Variants in ENPP6 observed in about 807,000 individuals in gnomAD.
The protein encoded by ENPP6 is ectonucleotide pyrophosphatase/phosphodiesterase 6, also known as glycerophosphocholine cholinephosphodiesterase ENPP6.
ENPP6 carries 32 observed loss-of-function variants against 42.0 expected under a neutral mutation model. The observed-to-expected ratio is 0.76, with a 90% CI of 0.58 to 1.02. The LOEUF (loss-of-function observed/expected upper bound fraction) is 1.02, where lower values mean the gene tolerates loss of function less well. ENPP6 is among the 50% of genes least tolerant of loss of function. The pLI is 0.00. For synonymous variants in ENPP6, 213 were observed against 216.0 expected (o/e 0.99, Z 0.12); for missense variants, 552 against 566.8 (o/e 0.97, Z 0.27).
chr4:184,163,969 G>A (rs1447772143), intron 1 of ENPP6, among the ~76,000 whole-genome samples: 2 of 152,212 alleles, frequency 1.3e-5, no homozygotes, highest in South Asian at 2.1e-4. Context: ...ATGGAGCGCC[G>A]AGTCCAGAGT....
At chr4:184,128,153 A>G (rs1736535566) in intron 2 of ENPP6, among the ~76,000 whole-genome samples, 1 of 152,232 alleles carries the variant, frequency 6.6e-6, no homozygotes, top group Admixed American at 6.5e-5. Context: ...AACCAAATTT[A>G]TTAACTTCAA....
intron 2 of ENPP6, among the ~76,000 whole-genome samples, chr4:184,146,217 G>T (rs2111372675): frequency 6.6e-6 from 1 of 151,916 alleles, no homozygotes; most frequent in Non-Finnish European, 1.5e-5. Context: ...TGGATCATGA[G>T]GTCAGGAGTT....
intron 1 of ENPP6, among the ~76,000 whole-genome samples, chr4:184,162,471 C>G (rs914287097): frequency 6.6e-6 from 1 of 150,854 alleles, no homozygotes; most frequent in African/African-American, 2.4e-5. Context: ...ACTTTGGAAG[C>G]CTATTTTGAA....
At chr4:184,207,243 C>T (rs931983133) in intron 1 of ENPP6, among the ~76,000 whole-genome samples, 3 of 152,332 alleles carry the variant, frequency 2.0e-5, no homozygotes, top group African/African-American at 2.4e-5. Context: ...CTGGCTTCCC[C>T]GCTACTCAGA....
chr4:184,111,159 T>TC (rs1374886833), intron 6 of ENPP6, among the ~76,000 whole-genome samples: 1 of 151,854 alleles, frequency 6.6e-6, no homozygotes, highest in African/African-American at 2.4e-5. Flanking sequence ...TCTTATACTC[T>TC]CCCTCCCTAC....
chr4:184,176,845 G>T (rs533431096), intron 1 of ENPP6, among the ~76,000 whole-genome samples: 3 of 152,206 alleles, frequency 2.0e-5, no homozygotes, highest in Non-Finnish European at 4.4e-5. Flanking sequence ...GTGGACAGGA[G>T]GTGGGAACCT....
intron 4 of ENPP6, 23 bp from the exon 5 acceptor site, chr4:184,117,058 C>A: frequency 1.9e-6 from 3 of 1,613,820 alleles, no homozygotes; most frequent in Non-Finnish European, 1.7e-6. Context: ...AAAAGACAGT[C>A]ATTACGGCAC....
intron 1 of ENPP6, among the ~76,000 whole-genome samples, chr4:184,158,547 T>C (rs552575462): frequency 1.3e-5 from 2 of 152,352 alleles, no homozygotes; most frequent in African/African-American, 4.8e-5. Context: ...TAATTTACAG[T>C]ATTAGAAACA....
At chr4:184,188,039 T>A (rs1287286752) in intron 1 of ENPP6, among the ~76,000 whole-genome samples, 2 of 152,232 alleles carry the variant, frequency 1.3e-5, no homozygotes, top group Non-Finnish European at 1.5e-5. Flanking sequence ...TATGACTGGA[T>A]GCTAGAGTCA....
intron 2 of ENPP6, among the ~76,000 whole-genome samples, chr4:184,149,888 C>T (rs750940128): frequency 1.4e-4 from 22 of 152,190 alleles, no homozygotes; most frequent in Admixed American, 2.6e-4. Context: ...ATTTTCCCTC[C>T]TTCCTCCCAT....
At chr4:184,131,140 A>ACTTTCTTTTTCTTTCTTT (rs1736605304) in intron 2 of ENPP6, among the ~76,000 whole-genome samples, 1 of 121,630 alleles carries the variant, frequency 8.2e-6, no homozygotes, top group African/African-American at 3.5e-5. Context: ...ACCAGCACTT[A>ACTTTCTTTTTCTTTCTTT]CTTTCTTTCT....
intron 1 of ENPP6, among the ~76,000 whole-genome samples, chr4:184,200,172 C>T (rs984423403): frequency 1.3e-5 from 2 of 152,190 alleles, no homozygotes; most frequent in Admixed American, 6.5e-5. Flanking sequence ...GAACTGGCCT[C>T]GTTCAAGACA....
intron 1 of ENPP6, among the ~76,000 whole-genome samples, chr4:184,175,927 T>C (rs988521414): frequency 3.9e-5 from 6 of 152,102 alleles, no homozygotes; most frequent in African/African-American, 9.6e-5. Flanking sequence ...AGAAAAGGTG[T>C]TGTGTAAAAA....
At chr4:184,146,297 G>A (rs1411760597) in intron 2 of ENPP6, among the ~76,000 whole-genome samples, 1 of 151,952 alleles carries the variant, frequency 6.6e-6, no homozygotes, top group Admixed American at 6.6e-5. Context: ...TGGGCATGGT[G>A]GTGGGTGCTT....
chr4:184,105,758 A>G (rs531982337), intron 6 of ENPP6, among the ~76,000 whole-genome samples: 6 of 152,344 alleles, frequency 3.9e-5, no homozygotes, highest in Middle Eastern at 3.4e-3. Context: ...GGAGGGCCAT[A>G]GGGAGCTCTT....
intron 2 of ENPP6, among the ~76,000 whole-genome samples, chr4:184,135,049 C>T (rs938701039): frequency 6.6e-6 from 1 of 151,846 alleles, no homozygotes; most frequent in African/African-American, 2.4e-5. Context: ...AATTACATGA[C>T]AGTCAGAGGA....
At chr4:184,152,900 C>T in intron 2 of ENPP6, among the ~76,000 whole-genome samples, 1 of 150,794 alleles carries the variant, frequency 6.6e-6, no homozygotes, top group East Asian at 2.0e-4. Flanking sequence ...TGTAGAGGAG[C>T]TCAATGACGT....
intron 6 of ENPP6, among the ~76,000 whole-genome samples, chr4:184,107,832 G>C (rs935083529): frequency 6.6e-6 from 1 of 151,648 alleles, no homozygotes; most frequent in Middle Eastern, 3.2e-3. Context: ...GGAGAATGGC[G>C]TGAACCCGGG....
intron 2 of ENPP6, among the ~76,000 whole-genome samples, chr4:184,152,197 G>A (rs1474421384): frequency 6.6e-6 from 1 of 152,198 alleles, no homozygotes; most frequent in African/African-American, 2.4e-5. Context: ...CACCACAGCT[G>A]GGTGGTGGGC....
Sources: gnomAD v4.1 joint callset for allele counts (sites outside exome capture counted in the v4.1 genomes callset) on GRCh38, gnomAD v4.1.1 for gene constraint, MANE v1.5 for transcripts, NCBI Gene and HGNC (gene_info 2026-07-23, HGNC 2026-07-21) for gene names.